KALRN: variants seen among roughly 807,000 people sequenced by gnomAD.
KALRN encodes kalirin.
KALRN carries 70 observed loss-of-function variants against 353.7 expected under a neutral mutation model. The ratio of observed to expected loss-of-function variants is 0.20; its 90% CI spans 0.16 to 0.24. The LOEUF (loss-of-function observed/expected upper bound fraction) is 0.24. Among genes scored for constraint, KALRN ranks in the 10% least tolerant of loss-of-function variants. KALRN has a pLI of 1.00. For synonymous variants in KALRN, 1,391 were observed against 1,434.8 expected, an observed-to-expected ratio of 0.97 and a Z score of 0.69; for missense variants, 2,791 against 3,756.7, an observed-to-expected ratio of 0.74 and a Z score of 6.72.
intron 1 of KALRN, among the ~76,000 whole-genome samples, chr3:124,047,899 A>T (rs908156731): frequency 2.0e-5 from 3 of 152,166 alleles, no homozygotes; most frequent in African/African-American, 7.2e-5. Flanking sequence ...AATATAAAGG[A>T]TAGAAAAGCC....
chr3:124,407,390 C>T lies in KALRN; in HGVS notation c.2347-6080C>T, dbSNP rs537912969. On this transcript the variant is annotated intron_variant, in intron 13 of 59. Transcript: ENST00000682506. ...CTTCTTATTCTTTCTCATTGTTTCT[C>T]TTCTGATTTGTTACTGAGTCATATT... Among the ~76,000 whole-genome samples, 10 of 151,872 alleles carry T rather than the reference C, an allele frequency of 6.6e-5. No individual in the cohort carries two copies. In the South Asian group the frequency reaches 1.7e-3, roughly 25 times the overall value.
chr3:124,410,177 C>A, intron 13 of KALRN: 1 of 529,772 alleles, frequency 1.9e-6, no homozygotes, highest in Admixed American at 2.0e-5. Context: ...TCAACTAAAG[C>A]CCTCTGACGT....
rs576233190 is a variant in KALRN, at chr3:124,527,567, C to T, written c.4935+31154C>T. ...GAGGTTGCAGTGAGCCGAGATTGTG[C>T]CACTCCAGCCTGGGCGACAGAGCAA... On this transcript the variant is annotated intron_variant, in intron 33 of 59. Coordinates refer to ENST00000682506, the MANE Select transcript of KALRN (RefSeq NM_001388419.1). Among the ~76,000 whole-genome samples the T allele has an allele frequency of 2.9e-3, 440 of 151,638 alleles. 3 individuals are homozygous for T. Among genetic ancestry groups the T allele is most frequent in the African/African-American group, 0.01 (417 of 41,326 alleles).
At chr3:124,320,399 G>A (rs1177383321) in intron 6 of KALRN, among the ~76,000 whole-genome samples, 1 of 152,192 alleles carries the variant, frequency 6.6e-6, no homozygotes, top group African/African-American at 2.4e-5. Context: ...CTGTGCTCAG[G>A]ACTTGTTCTT....
chr3:124,574,728 C>T (rs1041171951), intron 34 of KALRN, among the ~76,000 whole-genome samples: 3 of 152,190 alleles, frequency 2.0e-5, no homozygotes, highest in Admixed American at 2.0e-4. Flanking sequence ...TAGAAGAACA[C>T]GGGGACCCAG....
chr3:124,239,870 A>G (rs932182355), intron 3 of KALRN, among the ~76,000 whole-genome samples: 28 of 150,642 alleles, frequency 1.9e-4, no homozygotes, highest in African/African-American at 6.5e-4. Flanking sequence ...TTGCTCTGGG[A>G]TCATCAATAA....
chr3:124,044,203 C>G (rs997383354), intron 1 of KALRN, among the ~76,000 whole-genome samples: 2 of 152,226 alleles, frequency 1.3e-5, no homozygotes, highest in Admixed American at 1.3e-4. Context: ...ATGAAAAGCC[C>G]CATTTCATCA....
At chr3:124,512,187 G>A (rs910639687) in intron 33 of KALRN, among the ~76,000 whole-genome samples, 4 of 152,234 alleles carry the variant, frequency 2.6e-5, no homozygotes, top group Non-Finnish European at 5.9e-5. Context: ...GCAAGAACTT[G>A]GATATTTTCC....
intron 27 of KALRN, 144 bp downstream of exon 27, chr3:124,477,478 C>G: frequency 1.5e-6 from 1 of 651,054 alleles, no homozygotes; most frequent in Non-Finnish European, 2.7e-6. Context: ...GGAAAAAAAG[C>G]AAAAACAGTA....
intron 33 of KALRN, among the ~76,000 whole-genome samples, chr3:124,556,232 T>C (rs1033275642): frequency 2.0e-5 from 3 of 152,184 alleles, no homozygotes; most frequent in Non-Finnish European, 4.4e-5. Context: ...GCTCCTTCAG[T>C]TGCAGTTAGT....
At chr3:124,628,965 A>G (rs919021408) in intron 34 of KALRN, among the ~76,000 whole-genome samples, 13 of 152,150 alleles carry the variant, frequency 8.5e-5, no homozygotes, top group Non-Finnish European at 1.6e-4. Flanking sequence ...TCCCAGGTAG[A>G]TTAGACCTCT....
At position 124,347,140 on chromosome 3, in the gene KALRN, C is replaced by T. The variant is rs770519778; in HGVS notation, c.1648-3C>T. ...ATTGTTGCTGTTATCCTTCTTTGACCAGGTGTTGGACTGGATTGAAAACCA... is the reference window on the plus strand; with the variant it reads ...ATTGTTGCTGTTATCCTTCTTTGACTAGGTGTTGGACTGGATTGAAAACCA... On this transcript the variant is annotated splice_region_variant and splice_polypyrimidine_tract_variant and intron_variant, in intron 9 of 59. Transcript: ENST00000682506. 3 of 1,613,984 alleles carry T rather than the reference C, an allele frequency of 1.9e-6. No homozygotes were observed. Among genetic ancestry groups the T allele is most frequent in the South Asian group, 2.2e-5 (2 of 91,080 alleles).
intron 1 of KALRN, among the ~76,000 whole-genome samples, chr3:124,197,870 T>C (rs954118201): frequency 3.9e-5 from 6 of 152,204 alleles, no homozygotes; most frequent in Non-Finnish European, 5.9e-5. Flanking sequence ...CTGCATGTTC[T>C]TTTCTGTCCC....
At chr3:124,079,654 T>A (rs1293844943) in intron 1 of KALRN, among the ~76,000 whole-genome samples, 4 of 152,334 alleles carry the variant, frequency 2.6e-5, no homozygotes, top group Admixed American at 6.5e-5. Flanking sequence ...TATTAAAGAT[T>A]ACATAGTTTT....
At chr3:124,493,011 T>C (rs2108476185) in intron 32 of KALRN, 129 bp downstream of exon 32, 3 of 973,102 alleles carry the variant, frequency 3.1e-6, no homozygotes, top group Non-Finnish European at 4.5e-6. Flanking sequence ...CTGTGAGTTC[T>C]ACCTAGGATG....
intron 13 of KALRN, among the ~76,000 whole-genome samples, chr3:124,405,312 G>A (rs2091394110): frequency 6.6e-6 from 1 of 152,112 alleles, no homozygotes; most frequent in African/African-American, 2.4e-5. Context: ...GGTGGGTCTG[G>A]GGCTGTGGAC....
chr3:124,491,736 G>A (rs2063181640), intron 31 of KALRN: 1 of 234,730 alleles, frequency 4.3e-6, no homozygotes, highest in Non-Finnish European at 8.2e-6. Context: ...CCTTCAAGTG[G>A]CAAGAACAAT....
intron 13 of KALRN, among the ~76,000 whole-genome samples, chr3:124,409,614 T>C (rs568339584): frequency 5.5e-4 from 84 of 152,318 alleles, no homozygotes; most frequent in South Asian, 1.0e-3. Flanking sequence ...ACCATCTGAC[T>C]GGTTCACAAC....
At chr3:124,314,196 T>G (rs561095525) in intron 6 of KALRN, among the ~76,000 whole-genome samples, 6 of 152,080 alleles carry the variant, frequency 3.9e-5, no homozygotes, top group African/African-American at 1.4e-4. Flanking sequence ...TCATGTCCTT[T>G]ATAGGGACAT....
Sources: allele counts gnomAD v4.1 joint callset (sites outside exome capture counted in the v4.1 genomes callset), GRCh38; gene constraint gnomAD v4.1.1; transcripts MANE v1.5; gene names NCBI Gene and HGNC (gene_info 2026-07-23, HGNC 2026-07-21).